The following DOK5 variants were observed in gnomAD, a reference collection of about 807,000 sequenced individuals.
DOK5 encodes docking protein 5.
A neutral mutation model predicts 43.3 loss-of-function variants in DOK5; 27 were observed. The ratio of observed to expected loss-of-function variants is 0.62; its 90% confidence interval spans 0.46 to 0.86. The LOEUF (loss-of-function observed/expected upper bound fraction) is 0.86. DOK5 is among the 40% of genes least tolerant of loss of function. DOK5 has a pLI of 0.00. For missense variants in DOK5, 373 were observed against 392.9 expected (o/e 0.95, Z 0.43); for synonymous variants, 146 against 140.1 (o/e 1.04, Z -0.30).
intron 2 of DOK5, among the ~76,000 whole-genome samples, chr20:54,569,031 C>A (rs982135332): frequency 1.3e-5 from 2 of 150,626 alleles, no homozygotes; most frequent in East Asian, 1.9e-4. Context: ...CTAGTCCCTG[C>A]CGTCAGAAAA....
At chr20:54,563,767 G>A (rs1490063285) in intron 2 of DOK5, among the ~76,000 whole-genome samples, 1 of 150,290 alleles carries the variant, frequency 6.7e-6, no homozygotes, top group Non-Finnish European at 1.5e-5. Flanking sequence ...TGTTTCGAGA[G>A]AAACTGGAAG....
intron 6 of DOK5, among the ~76,000 whole-genome samples, chr20:54,626,432 T>A (rs1987134092): frequency 2.0e-5 from 3 of 152,264 alleles, no homozygotes. Context: ...AGATAGGGAC[T>A]GGTTTTTGAA....
intron 2 of DOK5, among the ~76,000 whole-genome samples, chr20:54,559,639 T>C (rs2146734498): frequency 6.6e-6 from 1 of 152,298 alleles, no homozygotes; most frequent in Admixed American, 6.5e-5. Flanking sequence ...CTCTGAAAAG[T>C]CCTACAGTTA....
At chr20:54,555,166 C>T in intron 2 of DOK5, 126 bp downstream of exon 2, 1 of 643,762 alleles carries the variant, frequency 1.6e-6, no homozygotes, top group Admixed American at 2.7e-5. Flanking sequence ...GGACAAAACA[C>T]CCCTAAAATA....
intron 1 of DOK5, among the ~76,000 whole-genome samples, chr20:54,523,319 C>A (rs147836245): frequency 9.5e-4 from 144 of 152,240 alleles, no homozygotes; most frequent in Middle Eastern, 3.4e-3. Context: ...GTAATCCCAG[C>A]ACTTTGGGAG....
At chr20:54,531,544 T>A (rs903186525) in intron 1 of DOK5, among the ~76,000 whole-genome samples, 1 of 152,198 alleles carries the variant, frequency 6.6e-6, no homozygotes, top group South Asian at 2.1e-4. Flanking sequence ...TGTCTTTGGA[T>A]ACAAGGAAGA....
chr20:54,503,275 TTTA>T (rs1568757489), intron 1 of DOK5, among the ~76,000 whole-genome samples: 1 of 152,186 alleles, frequency 6.6e-6, no homozygotes, highest in Non-Finnish European at 1.5e-5. Flanking sequence ...AGTATATTTC[TTTA>T]TTATTCTGCC....
At position 54,650,425 on chromosome 20, in the gene DOK5, C is replaced by T. The variant is rs763478880; in HGVS notation, c.867C>T (p.Ser289=). Reference sequence around the variant, plus strand: ...TTCTTTTTGGAAAAGATGTTTCCAGCCCTCTGAAGCTTCATCGAACAGAGA... The same window carrying T: ...TTCTTTTTGGAAAAGATGTTTCCAGTCCTCTGAAGCTTCATCGAACAGAGA... The part of the protein sequence containing the change: ...GQLYRLQDVS[S]PLKLHRTETF... Residue 289 remains serine (S), a synonymous_variant, in exon 8 of 8, where the codon AGC becomes AGT. Coordinates refer to ENST00000262593, the MANE Select transcript of DOK5 (RefSeq NM_018431.5). 1.2e-6 allele frequency: 2 copies of T among 1,613,906 alleles called. No individual in the cohort carries two copies. Among genetic ancestry groups the T allele is most frequent in the Non-Finnish European group, 1.7e-6 (2 of 1,179,962 alleles).
At position 54,558,483 on chromosome 20, in the gene DOK5, T is replaced by C. The variant is rs780610121; in HGVS notation, c.174+3443T>C. Among the ~76,000 whole-genome samples, 9 of 152,334 alleles carry C rather than the reference T, an allele frequency of 5.9e-5. No homozygotes were observed. The South Asian group carries it at 1.9e-3, about 32-fold the overall frequency. On this transcript the variant is annotated intron_variant, in intron 2 of 7. Coordinates refer to ENST00000262593, the MANE Select transcript of DOK5 (RefSeq NM_018431.5). ...GTAGCTGATTCATCCTCTACTCTTT[T>C]AGATCTGATACATTTAGTATTAATC...
intron 1 of DOK5, among the ~76,000 whole-genome samples, chr20:54,533,773 CAATATTT>C (rs1327452676): frequency 1.3e-5 from 2 of 152,008 alleles, no homozygotes; most frequent in Admixed American, 6.6e-5. Context: ...ATATAATAAA[CAATATTT>C]TTATTTCTGA....
At chr20:54,501,206 G>A (rs1309215880) in intron 1 of DOK5, among the ~76,000 whole-genome samples, 1 of 151,610 alleles carries the variant, frequency 6.6e-6, no homozygotes, top group Non-Finnish European at 1.5e-5. Context: ...GGTGGCTCAC[G>A]CCTGTAATCC....
intron 2 of DOK5, among the ~76,000 whole-genome samples, chr20:54,565,384 C>T (rs1470534879): frequency 4.6e-5 from 7 of 152,226 alleles, no homozygotes. Context: ...CAGACCACAG[C>T]TGACTGTGGG....
chr20:54,646,763 A>G (rs570027159), intron 7 of DOK5, among the ~76,000 whole-genome samples: 1 of 152,236 alleles, frequency 6.6e-6, no homozygotes, highest in South Asian at 2.1e-4. Flanking sequence ...GATTGGGAAA[A>G]GTTAATGACT....
intron 7 of DOK5, among the ~76,000 whole-genome samples, chr20:54,648,049 C>T (rs559872797): frequency 6.6e-6 from 1 of 152,112 alleles, no homozygotes; most frequent in Admixed American, 6.5e-5. Context: ...TCATTTAGAT[C>T]CCAAAACAGC....
At chr20:54,548,046 A>C (rs1410907356) in intron 1 of DOK5, among the ~76,000 whole-genome samples, 2 of 152,168 alleles carry the variant, frequency 1.3e-5, no homozygotes, top group Admixed American at 1.3e-4. Context: ...GGTGGAGGCC[A>C]GAGGTGCTAC....
At chr20:54,529,642 G>T (rs1173640001) in intron 1 of DOK5, among the ~76,000 whole-genome samples, 2 of 152,022 alleles carry the variant, frequency 1.3e-5, no homozygotes, top group African/African-American at 4.8e-5. Flanking sequence ...ACACTGTTGT[G>T]TAACCATCAT....
chr20:54,538,181 GA>G (rs918383550), intron 1 of DOK5, among the ~76,000 whole-genome samples: 2 of 149,574 alleles, frequency 1.3e-5, no homozygotes, highest in Non-Finnish European at 3.0e-5. Context: ...ATTATGGTGA[GA>G]AAAAAATTGG....
intron 1 of DOK5, among the ~76,000 whole-genome samples, chr20:54,517,560 G>A (rs954612369): frequency 6.6e-6 from 1 of 152,094 alleles, no homozygotes; most frequent in Admixed American, 6.6e-5. Context: ...AAATAATAAT[G>A]TTTTCTTTTA....
chr20:54,505,833 G>A (rs1982785210), intron 1 of DOK5, among the ~76,000 whole-genome samples: 1 of 152,152 alleles, frequency 6.6e-6, no homozygotes, highest in Non-Finnish European at 1.5e-5. Context: ...GTGTGTCTGA[G>A]TGTTCAGAGA....
Sources: allele counts gnomAD v4.1 joint callset (sites outside exome capture counted in the v4.1 genomes callset), GRCh38; gene constraint gnomAD v4.1.1; transcripts MANE v1.5; gene names NCBI Gene and HGNC (gene_info 2026-07-23, HGNC 2026-07-21).